SNX1: variants seen among roughly 807,000 people sequenced by gnomAD.
The protein encoded by SNX1 is sorting nexin 1.
Under a neutral mutation model 71.8 loss-of-function variants are expected in SNX1, and 36 were observed. That is an observed-to-expected ratio of 0.50 (90% confidence interval 0.38 to 0.66). The LOEUF is 0.66. SNX1 is among the 30% of genes least tolerant of loss of function. The pLI is 0.00. For missense variants in SNX1, 612 were observed against 646.7 expected, an observed-to-expected ratio of 0.95 and a Z score of 0.58; for synonymous variants, 254 against 240.7, an observed-to-expected ratio of 1.06 and a Z score of -0.51.
chr15:64,107,917 G>T (rs2081038981), intron 1 of SNX1, among the ~76,000 whole-genome samples: 1 of 152,114 alleles, frequency 6.6e-6, no homozygotes, highest in South Asian at 2.1e-4. Context: ...TTATTGGCCG[G>T]GCGCAGTGGC....
rs1329061303 is a variant in SNX1, at chr15:64,142,709, G to A, written c.*5091G>A. 10 of 456,066 alleles carry A rather than the reference G, an allele frequency of 2.2e-5. No individual in the cohort carries two copies. The East Asian group carries it at 4.9e-4, about 22-fold the overall frequency. 28.3% of individuals were successfully genotyped at this position (456,066 alleles called of 1,614,324 possible). A position where few individuals can be genotyped will look rare whatever the true frequency, so the allele number is the denominator to read the frequency against. ...CTGCTTTCCCCTTGGCTAGTTCAGC[G>A]TTTGGGCTCCGGAGTGCTGAAGATG... is the stretch of plus-strand genomic sequence containing the variant. On this transcript the variant is annotated 3_prime_UTR_variant, in exon 15 of 15. Coordinates refer to ENST00000559844, the MANE Select transcript of SNX1 (RefSeq NM_003099.5).
intron 3 of SNX1, 23 bp from the exon 4 acceptor site, chr15:64,118,765 T>G: frequency 1.3e-6 from 2 of 1,591,628 alleles, no homozygotes; most frequent in Non-Finnish European, 1.7e-6. Context: ...TCAACTCTCA[T>G]GATTTGTCTT....
chr15:64,138,323 C>CAA lies in SNX1; in HGVS notation c.*705_*706insAA. ...CAAAGGAGGCAGAGACTTTCTCTCT[C>CAA]TCTTTTTTTTTTTTTTTTGGTGTCC... On this transcript the variant is annotated 3_prime_UTR_variant, in exon 15 of 15. Coordinates refer to ENST00000559844, the MANE Select transcript of SNX1 (RefSeq NM_003099.5). 2.9e-6 allele frequency: 2 copies of CAA among 693,892 alleles called. No homozygotes were observed. Among genetic ancestry groups the CAA allele is most frequent in the African/African-American group, 2.1e-5 (1 of 47,686 alleles). 43.0% of individuals were successfully genotyped at this position (693,892 alleles called of 1,614,324 possible).
At chr15:64,123,069 C>T (rs1314865847) in intron 4 of SNX1, among the ~76,000 whole-genome samples, 1 of 152,200 alleles carries the variant, frequency 6.6e-6, no homozygotes, top group East Asian at 1.9e-4. Flanking sequence ...TAGGGTAGAA[C>T]TACTTGTTTC....
intron 2 of SNX1, among the ~76,000 whole-genome samples, chr15:64,114,059 A>G (rs1398353735): frequency 6.6e-6 from 1 of 152,216 alleles, no homozygotes; most frequent in Non-Finnish European, 1.5e-5. Context: ...TTAGACATTA[A>G]TAATTCGAGT....
At chr15:64,130,175 G>A (rs1337207129) in intron 9 of SNX1, 53 bp from the exon 10 acceptor site, 1 of 1,527,502 alleles carries the variant, frequency 6.5e-7, no homozygotes, top group Non-Finnish European at 9.1e-7. Context: ...AAGAAAGACT[G>A]TACTGCACCC....
chr15:64,108,555 G>GT (rs952351252), intron 1 of SNX1, among the ~76,000 whole-genome samples: 18 of 152,072 alleles, frequency 1.2e-4, no homozygotes, highest in South Asian at 6.2e-4. Flanking sequence ...GTTCTGCTCA[G>GT]TTTTTTTAAA....
At chr15:64,136,281 TAATG>T in intron 12 of SNX1, 45 bp from the exon 13 acceptor site, 1 of 1,438,360 alleles carries the variant, frequency 7.0e-7, no homozygotes, top group South Asian at 1.1e-5. Flanking sequence ...GAAGGCTTAA[TAATG>T]GTGCCATAAT....
chr15:64,134,629 G>T lies in SNX1; in HGVS notation c.1222-35G>T, dbSNP rs1326499962. ...GCAGAGCCAGCAGAGCTCTTGAAGA[G>T]CTGGTTGTGCTCCTCCTCAACCCCA... On this transcript the variant is annotated intron_variant, in intron 11 of 14. Coordinates refer to ENST00000559844, the MANE Select transcript of SNX1 (RefSeq NM_003099.5). This position sits in a 1 kb window ranked among gnomAD's most constrained non-coding sequence, Gnocchi z 4.1. 6.3e-7 allele frequency: 1 copy of T among 1,588,940 alleles called. No individual in the cohort carries two copies. Among genetic ancestry groups the T allele is most frequent in the East Asian group, 2.2e-5 (1 of 44,546 alleles).
intron 1 of SNX1, among the ~76,000 whole-genome samples, chr15:64,106,700 A>G (rs555833140): frequency 2.3e-4 from 35 of 152,360 alleles, no homozygotes; most frequent in African/African-American, 8.2e-4. Flanking sequence ...ATGAAAGACG[A>G]TATGGAAGAG....
chr15:64,125,940 GC>G, intron 5 of SNX1, 138 bp from the exon 6 acceptor site: 1 of 870,788 alleles, frequency 1.1e-6, no homozygotes, highest in Admixed American at 2.2e-5. Flanking sequence ...AAGACTCTCT[GC>G]CTTGGAGAAA....
intron 12 of SNX1, among the ~76,000 whole-genome samples, chr15:64,136,010 A>G (rs2081355592): frequency 6.6e-6 from 1 of 152,150 alleles, no homozygotes; most frequent in Admixed American, 6.5e-5. Flanking sequence ...TGAGAACTAA[A>G]TTAAGTTTTC....
At chr15:64,120,266 CTTTTTTTTTTTTT>C (rs35526278) in intron 4 of SNX1, among the ~76,000 whole-genome samples, 2 of 67,090 alleles carry the variant, frequency 3.0e-5, no homozygotes, top group South Asian at 5.5e-4. Flanking sequence ...AAATGGTTGT[CTTTTTTTTTTTTT>C]TTTTTTTTTT....
rs1300418846 is a variant in SNX1 at position 64,140,990 on chromosome 15, T to C, written c.*3372T>C. On this transcript the variant is annotated 3_prime_UTR_variant, in exon 15 of 15. Transcript: ENST00000559844. Reference sequence around the variant, plus strand: ...CCATACAGTGCAAAGAGATGATAGATAGATAGATAGATAGATAGATAGATA... The same window carrying C: ...CCATACAGTGCAAAGAGATGATAGACAGATAGATAGATAGATAGATAGATA... 1 of 144,318 alleles carries C rather than the reference T, an allele frequency of 6.9e-6. No homozygotes were observed. The highest frequency in any genetic ancestry group is 2.9e-5 in the African/African-American group (1 of 34,562). 8.9% of individuals were successfully genotyped at this position (144,318 alleles called of 1,614,324 possible).
chr15:64,124,286 C>G (rs1185299686), intron 5 of SNX1, among the ~76,000 whole-genome samples: 4 of 150,788 alleles, frequency 2.7e-5, no homozygotes, highest in African/African-American at 9.8e-5. Flanking sequence ...ACGGGCAGAT[C>G]ACAAGGTCAG....
At chr15:64,117,152 G>A (rs1419777595) in intron 2 of SNX1, among the ~76,000 whole-genome samples, 1 of 152,162 alleles carries the variant, frequency 6.6e-6, no homozygotes, top group African/African-American at 2.4e-5. Flanking sequence ...CTAGCTTATA[G>A]CTTTCCTGAC....
Position 64,138,323 on chromosome 15 carries a change from C to CATT in SNX1, c.*705_*706insATT. The CATT allele has an allele frequency of 1.4e-6, 1 of 693,894 alleles. No individual in the cohort carries two copies. The highest frequency in any genetic ancestry group is 2.1e-5 in the African/African-American group (1 of 47,686). The allele number at this position is 693,894 out of a possible 1,614,324, so 43.0% of individuals were successfully genotyped here. A position where few individuals can be genotyped will look rare whatever the true frequency, so the allele number is the denominator to read the frequency against. On this transcript the variant is annotated 3_prime_UTR_variant, in exon 15 of 15. Coordinates refer to ENST00000559844, the MANE Select transcript of SNX1 (RefSeq NM_003099.5). ...CAAAGGAGGCAGAGACTTTCTCTCT[C>CATT]TCTTTTTTTTTTTTTTTTGGTGTCC... is the stretch of plus-strand genomic sequence containing the variant.
intron 12 of SNX1, among the ~76,000 whole-genome samples, chr15:64,135,559 C>A (rs1483918236): frequency 6.6e-6 from 1 of 150,896 alleles, no homozygotes. Context: ...AGATTGAGAC[C>A]ATCTTGGCCA....
intron 7 of SNX1, among the ~76,000 whole-genome samples, chr15:64,127,504 T>C (rs146073692): frequency 2.2e-3 from 341 of 152,178 alleles, no homozygotes; most frequent in Non-Finnish European, 3.7e-3. Context: ...CAAATATGAA[T>C]GGCTCTGAGG....
Sources: gnomAD v4.1 joint callset for allele counts (sites outside exome capture counted in the v4.1 genomes callset) on GRCh38, gnomAD v4.1.1 for gene constraint, Gnocchi (gnomAD v3.1) non-coding constraint, MANE v1.5 for transcripts, NCBI Gene and HGNC (gene_info 2026-07-23, HGNC 2026-07-21) for gene names.